BCL2: variants seen among roughly 807,000 people sequenced by gnomAD.
BCL2 encodes BCL2 apoptosis regulator.
A neutral mutation model predicts 14.2 loss-of-function variants in BCL2; 1 was observed. The ratio of observed to expected loss-of-function variants is 0.07; its 90% confidence interval spans 0.02 to 0.33. The LOEUF (loss-of-function observed/expected upper bound fraction) is 0.33, where lower values mean the gene tolerates loss of function less well. BCL2 is among the 10% of genes least tolerant of loss of function. The probability of loss-of-function intolerance (pLI) is 0.99; values close to 1 mark genes in which losing one functional copy is unlikely to be tolerated. For missense variants in BCL2, 247 were observed against 305.9 expected (o/e 0.81, Z 1.44); for synonymous variants, 151 against 137.2 (o/e 1.10, Z -0.70).
chr18:63,152,997 C>T (rs963557853), intron 2 of BCL2, among the ~76,000 whole-genome samples: 1 of 152,208 alleles, frequency 6.6e-6, no homozygotes, highest in East Asian at 1.9e-4. Flanking sequence ...TTTGACTCAG[C>T]TTTTGCCTCT....
chr18:63,126,282 G>A lies in BCL2; in HGVS notation c.*2343C>T. On this transcript the variant is annotated 3_prime_UTR_variant, in exon 3 of 3. Coordinates refer to ENST00000333681, the MANE Select transcript of BCL2 (RefSeq NM_000633.3). Reference sequence around the variant, plus strand: ...GGAGCGTAAGCACCACTGCATTTCAGGAAGACCCTGAAGGACAGCCATGAG... The same window carrying A: ...GGAGCGTAAGCACCACTGCATTTCAAGAAGACCCTGAAGGACAGCCATGAG... 4.5e-6 allele frequency: 1 copy of A among 221,416 alleles called. No homozygotes were observed. Among genetic ancestry groups the A allele is most frequent in the Non-Finnish European group, 9.1e-6 (1 of 110,106 alleles). The allele number at this position is 221,416 out of a possible 1,614,324, so 13.7% of individuals were successfully genotyped here. A position where few individuals can be genotyped will look rare whatever the true frequency, so the allele number is the denominator to read the frequency against.
intron 2 of BCL2, among the ~76,000 whole-genome samples, chr18:63,178,816 C>A (rs888968485): frequency 6.6e-6 from 1 of 150,960 alleles, no homozygotes; most frequent in African/African-American, 2.4e-5. Flanking sequence ...ATTGTCACTG[C>A]GCCTTTGAGG....
Position 63,279,936 on chromosome 18 carries a change from A to G in BCL2, c.585+38146T>C, listed in dbSNP as rs901819720. ...AATTGGCTACCATAAAACTTAACATAATTTCTACCTTTGGTGGAAGATACA... is the reference window on the plus strand; with the variant it reads ...AATTGGCTACCATAAAACTTAACATGATTTCTACCTTTGGTGGAAGATACA... On this transcript the variant is annotated intron_variant, in intron 2 of 2. Transcript: ENST00000333681. Among the ~76,000 whole-genome samples, 54 of 152,278 alleles carry G rather than the reference A, an allele frequency of 3.5e-4. 2 individuals are homozygous for G. The highest frequency in any genetic ancestry group is 3.4e-3 in the Middle Eastern group (1 of 294).
At chr18:63,265,010 A>G (rs181358399) in intron 2 of BCL2, among the ~76,000 whole-genome samples, 11 of 53,772 alleles carry the variant, frequency 2.0e-4, no homozygotes, top group Non-Finnish European at 2.9e-4. Flanking sequence ...GAGAGGCGCC[A>G]GGGTCCTCAA....
chr18:63,220,625 A>G (rs1468244415), intron 2 of BCL2, among the ~76,000 whole-genome samples: 1 of 152,230 alleles, frequency 6.6e-6, no homozygotes, highest in Non-Finnish European at 1.5e-5. Flanking sequence ...GCTAGCACTT[A>G]CAATCTTGGG....
intron 2 of BCL2, among the ~76,000 whole-genome samples, chr18:63,261,044 T>C (rs1056827431): frequency 1.3e-5 from 2 of 152,196 alleles, no homozygotes; most frequent in Admixed American, 6.5e-5. Flanking sequence ...CTGCTTCTTA[T>C]CCAAACACTG....
intron 2 of BCL2, among the ~76,000 whole-genome samples, chr18:63,170,153 G>A (rs1915188687): frequency 6.6e-6 from 1 of 152,052 alleles, no homozygotes; most frequent in Admixed American, 6.6e-5. Flanking sequence ...ATAAAATGGG[G>A]CTAATGATAG....
At chr18:63,214,846 G>A (rs1390031807) in intron 2 of BCL2, among the ~76,000 whole-genome samples, 2 of 152,092 alleles carry the variant, frequency 1.3e-5, no homozygotes, top group African/African-American at 4.8e-5. Flanking sequence ...AAGTAGCTGG[G>A]ACTACAGGCA....
At chr18:63,203,075 T>C (rs1328186443) in intron 2 of BCL2, among the ~76,000 whole-genome samples, 1 of 152,182 alleles carries the variant, frequency 6.6e-6, no homozygotes, top group Admixed American at 6.5e-5. Context: ...GCAGAACAGC[T>C]TTGCTAATCA....
At chr18:63,313,020 T>A (rs979018044) in intron 2 of BCL2, among the ~76,000 whole-genome samples, 2 of 152,236 alleles carry the variant, frequency 1.3e-5, no homozygotes, top group African/African-American at 4.8e-5. Flanking sequence ...TTAGGCCTAA[T>A]GCACACATGA....
intron 2 of BCL2, among the ~76,000 whole-genome samples, chr18:63,312,036 T>C (rs1325759952): frequency 2.6e-5 from 4 of 152,254 alleles, no homozygotes; most frequent in Non-Finnish European, 5.9e-5. Context: ...GGTTAAAGTT[T>C]ATAATCACTA....
At chr18:63,198,730 C>A (rs1909552769) in intron 2 of BCL2, among the ~76,000 whole-genome samples, 1 of 142,930 alleles carries the variant, frequency 7.0e-6, no homozygotes, top group Non-Finnish European at 1.5e-5. Context: ...CACAGACACA[C>A]ACAGACACAG....
intron 2 of BCL2, among the ~76,000 whole-genome samples, chr18:63,238,402 A>C (rs886123185): frequency 2.0e-5 from 3 of 152,204 alleles, no homozygotes; most frequent in Admixed American, 2.0e-4. Context: ...CAGTAATTTA[A>C]TCTCACCTAA....
At position 63,169,288 on chromosome 18, in the gene BCL2, C is replaced by CT. The variant is rs1915134518; in HGVS notation, c.586-40530dup. ...TCTTTCTTTCTTTCTTTCTTTCTTT[C>CT]TTTCTTTCTTTCTTTCTTTCTTCCT... On this transcript the variant is annotated intron_variant, in intron 2 of 2. Transcript: ENST00000333681. Among the ~76,000 whole-genome samples the CT allele has an allele frequency of 2.3e-4, 16 of 70,356 alleles. 2 individuals carry two copies. The highest frequency in any genetic ancestry group is 1.3e-3 in the Admixed American group (8 of 6,290). The allele number at this position is 70,356 out of a possible 152,430, so 46.2% of individuals were successfully genotyped here. A position where few individuals can be genotyped will look rare whatever the true frequency, so the allele number is the denominator to read the frequency against.
chr18:63,233,170 C>T (rs1910733029), intron 2 of BCL2, among the ~76,000 whole-genome samples: 1 of 152,294 alleles, frequency 6.6e-6, no homozygotes, highest in Admixed American at 6.5e-5. Context: ...GACCTAATCA[C>T]CTCCAAAATC....
chr18:63,317,438 T>A (rs1913532403), intron 2 of BCL2: 3 of 680,678 alleles, frequency 4.4e-6, no homozygotes, highest in Admixed American at 1.3e-4. Flanking sequence ...ACTGGGAACA[T>A]GGCACACACT....
At chr18:63,197,821 A>G (rs1162838212) in intron 2 of BCL2, among the ~76,000 whole-genome samples, 5 of 152,194 alleles carry the variant, frequency 3.3e-5, no homozygotes, top group Non-Finnish European at 7.4e-5. Context: ...TTGAGGGGTG[A>G]ACCTGTCCCC....
intron 2 of BCL2, among the ~76,000 whole-genome samples, chr18:63,155,247 G>A (rs1403424957): frequency 1.3e-5 from 2 of 152,204 alleles, no homozygotes; most frequent in South Asian, 2.1e-4. Flanking sequence ...AGCTGAACAT[G>A]AGACTCTGAG....
intron 2 of BCL2, among the ~76,000 whole-genome samples, chr18:63,306,010 G>A (rs1157151071): frequency 6.6e-6 from 1 of 152,150 alleles, no homozygotes; most frequent in East Asian, 1.9e-4. Flanking sequence ...CGGAGTTCGA[G>A]GCAGCAGTGA....
Sources: gnomAD v4.1 joint callset for allele counts (sites outside exome capture counted in the v4.1 genomes callset) on GRCh38, gnomAD v4.1.1 for gene constraint, MANE v1.5 for transcripts, NCBI Gene and HGNC (gene_info 2026-07-23, HGNC 2026-07-21) for gene names.